Variants in TLE1 observed in about 807,000 individuals in gnomAD.
TLE1 encodes the protein TLE family member 1, transcriptional corepressor, also known as transducin-like enhancer protein 1.
In TLE1, 21 loss-of-function variants were observed where a neutral mutation model predicts 89.8. The ratio of observed to expected loss-of-function variants is 0.23; its 90% CI spans 0.17 to 0.34. The LOEUF (loss-of-function observed/expected upper bound fraction) is 0.34. TLE1 is among the 10% of genes least tolerant of loss of function. The pLI, the probability that TLE1 is intolerant of heterozygous loss-of-function variation, is 1.00. For missense variants in TLE1, 795 were observed against 1,031.2 expected, an observed-to-expected ratio of 0.77 and a Z score of 3.14; for synonymous variants, 447 against 407.6, an observed-to-expected ratio of 1.10 and a Z score of -1.16.
chr9:81,639,958 A>G (rs1015436708), intron 6 of TLE1, among the ~76,000 whole-genome samples: 1 of 151,962 alleles, frequency 6.6e-6, no homozygotes, highest in Non-Finnish European at 1.5e-5. Context: ...ATGATTCTAG[A>G]CCACTGGTTC....
At chr9:81,673,761 G>A (rs1471030230) in intron 4 of TLE1, among the ~76,000 whole-genome samples, 3 of 152,152 alleles carry the variant, frequency 2.0e-5, no homozygotes, top group Admixed American at 6.5e-5. Flanking sequence ...CTCCACGGAT[G>A]GGGGCTATGA....
chr9:81,620,403 A>G, intron 9 of TLE1, 38 bp downstream of exon 9: 2 of 1,509,792 alleles, frequency 1.3e-6, no homozygotes, highest in Middle Eastern at 3.4e-4. Flanking sequence ...GTGAGCAGTA[A>G]GCAAACAAAT....
chr9:81,670,725 A>AAT (rs1554698812), intron 4 of TLE1, among the ~76,000 whole-genome samples: 1,793 of 13,830 alleles, frequency 0.13, 51 homozygotes, highest in African/African-American at 0.41. Context: ...AAAAAAAAAA[A>AAT]TTAAAAAAAA....
Position 81,639,577 on chromosome 9 carries a change from T to G in TLE1, c.373-5276A>C, listed in dbSNP as rs181609482. ...TTGTAAAGTGATTAGTAAAAGTTGTTTTTTTTTTTTGTTTTTTTTTTTTTT... is the reference window on the plus strand; with the variant it reads ...TTGTAAAGTGATTAGTAAAAGTTGTGTTTTTTTTTTGTTTTTTTTTTTTTT... On this transcript the variant is annotated intron_variant, in intron 6 of 19. Transcript: ENST00000376499. 2.3e-3 allele frequency among the ~76,000 whole-genome samples: 323 copies of G among 140,254 alleles called. 9 individuals are homozygous for G. In the East Asian group the frequency reaches 0.054, roughly 24 times the overall value. 92.0% of individuals were successfully genotyped at this position (140,254 alleles called of 152,430 possible).
In TLE1 at chr9:81,643,244, GTT is replaced by G. The variant is rs60666250; in HGVS notation, c.373-8945_373-8944del. Among the ~76,000 whole-genome samples the G allele has an allele frequency of 5.4e-5, 8 of 147,676 alleles. No homozygotes were observed. In the East Asian group the frequency reaches 9.8e-4, roughly 18 times the overall value. On this transcript the variant is annotated intron_variant, in intron 6 of 19. Transcript: ENST00000376499. The stretch of plus-strand genomic sequence containing the variant: ...TGGTGTGTTTGTTTTTTGTTTTTTG[GTT>G]TTTTTTTTTGACAGAGTTTCGCTCT...
At chr9:81,585,052 TCAC>T (rs1306714261) in intron 18 of TLE1, among the ~76,000 whole-genome samples, 2 of 152,120 alleles carry the variant, frequency 1.3e-5, no homozygotes, top group South Asian at 2.1e-4. Context: ...ACAAGAAGGG[TCAC>T]CACATGAACT....
intron 7 of TLE1, 67 bp from the exon 8 acceptor site, chr9:81,633,431 A>T: frequency 1.2e-6 from 2 of 1,605,840 alleles, no homozygotes. Context: ...GAACAGAAAT[A>T]AAAAAAAGGG....
intron 4 of TLE1, among the ~76,000 whole-genome samples, chr9:81,656,232 C>T (rs900349002): frequency 2.0e-5 from 3 of 151,836 alleles, no homozygotes; most frequent in African/African-American, 7.2e-5. Flanking sequence ...CAAGCTACCT[C>T]AAGGTCATGG....
rs1828007306 is a variant in TLE1, at chr9:81,584,102, A to T, written c.*96T>A. The T allele has an allele frequency of 3.5e-6, 4 of 1,139,864 alleles. No homozygotes were observed. The Admixed American group carries it at 6.0e-5, about 17-fold the overall frequency. The allele number at this position is 1,139,864 out of a possible 1,614,324, so 70.6% of individuals were successfully genotyped here. A position where few individuals can be genotyped will look rare whatever the true frequency, so the allele number is the denominator to read the frequency against. ...CAAGGTTTGGAAACAGGTGTTTGTAATTTTTTTTCTCTTTTAAAGTTACAA... is the reference window on the plus strand; with the variant it reads ...CAAGGTTTGGAAACAGGTGTTTGTATTTTTTTTTCTCTTTTAAAGTTACAA... On this transcript the variant is annotated 3_prime_UTR_variant, in exon 20 of 20. Transcript: ENST00000376499.
chr9:81,688,598 C>T lies in TLE1; in HGVS notation c.-358G>A, dbSNP rs1174949845. 2.6e-4 allele frequency: 68 copies of T among 258,042 alleles called. No homozygotes were observed. In the East Asian group the frequency reaches 4.2e-3, roughly 16 times the overall value. 16.0% of individuals were successfully genotyped at this position (258,042 alleles called of 1,614,324 possible). On this transcript the variant is annotated 5_prime_UTR_variant, in exon 1 of 20. Coordinates refer to ENST00000376499, the MANE Select transcript of TLE1 (RefSeq NM_005077.5). ...GAGGCGGGGGCGCGGTGACTCCGAC[C>T]GCACTCCCCTCGGCGATCCGCGTGC...
chr9:81,593,317 C>T, intron 14 of TLE1, 43 bp from the exon 15 acceptor site: 1 of 1,563,430 alleles, frequency 6.4e-7, no homozygotes, highest in South Asian at 1.2e-5. Flanking sequence ...AACACATTTA[C>T]AGAGGAAGCA....
rs538225280 is a variant in TLE1, at chr9:81,659,056, G to A, written c.235-5020C>T. Reference sequence around the variant, plus strand: ...CGCGAGTAGCTGGGATGACAGGCACGCGCCACCACACCTGGCTAATTTTTC... The same window carrying A: ...CGCGAGTAGCTGGGATGACAGGCACACGCCACCACACCTGGCTAATTTTTC... On this transcript the variant is annotated intron_variant, in intron 4 of 19. Transcript: ENST00000376499. 5.5e-4 allele frequency among the ~76,000 whole-genome samples: 84 copies of A among 152,056 alleles called. 1 individual carries two copies. Among genetic ancestry groups the A allele is most frequent in the African/African-American group, 1.9e-3 (77 of 41,482 alleles).
intron 19 of TLE1, 43 bp downstream of exon 19, chr9:81,584,405 A>T (rs1031050252): frequency 3.1e-6 from 5 of 1,612,344 alleles, no homozygotes; most frequent in Non-Finnish European, 2.5e-6. Flanking sequence ...CAGAGGCGAC[A>T]CTGTGGTCAA....
intron 4 of TLE1, among the ~76,000 whole-genome samples, chr9:81,656,616 AGAGT>A (rs1226992963): frequency 6.6e-6 from 1 of 152,232 alleles, no homozygotes; most frequent in Non-Finnish European, 1.5e-5. Context: ...ACAGAAGCCC[AGAGT>A]GAGAGACACA....
intron 6 of TLE1, 47 bp downstream of exon 6, chr9:81,652,167 A>G (rs749059805): frequency 1.9e-5 from 30 of 1,571,984 alleles, no homozygotes; most frequent in African/African-American, 2.7e-5. Context: ...TAAGAAATGA[A>G]AGCTGGTTAT....
chr9:81,659,280 C>A (rs1830496501), intron 4 of TLE1, among the ~76,000 whole-genome samples: 1 of 152,118 alleles, frequency 6.6e-6, no homozygotes, highest in Admixed American at 6.6e-5. Flanking sequence ...GGTATTTGAC[C>A]CTGCTGCCTT....
chr9:81,675,210 C>G (rs1321855847), intron 4 of TLE1, among the ~76,000 whole-genome samples: 2 of 152,008 alleles, frequency 1.3e-5, no homozygotes, highest in African/African-American at 4.8e-5. Flanking sequence ...TTTATAGACT[C>G]CAGGTATCAT....
At chr9:81,645,085 T>A (rs1053723938) in intron 6 of TLE1, among the ~76,000 whole-genome samples, 2 of 147,826 alleles carry the variant, frequency 1.4e-5, no homozygotes, top group Non-Finnish European at 1.5e-5. Flanking sequence ...ATAGGCTGGG[T>A]GCAGTGCCTC....
At chr9:81,654,099 T>G in intron 4 of TLE1, 63 bp from the exon 5 acceptor site, 1 of 1,496,348 alleles carries the variant, frequency 6.7e-7, no homozygotes, top group Non-Finnish European at 9.3e-7. Context: ...AAGGTAAAAC[T>G]TCATACCCCT....
Sources: gnomAD v4.1 joint callset for allele counts (sites outside exome capture counted in the v4.1 genomes callset) on GRCh38, gnomAD v4.1.1 for gene constraint, MANE v1.5 for transcripts, NCBI Gene and HGNC (gene_info 2026-07-23, HGNC 2026-07-21) for gene names.